The following KDR variants were observed in gnomAD, a reference collection of about 807,000 sequenced individuals.
KDR encodes the protein vascular endothelial growth factor receptor 2.
Under a neutral mutation model 160.9 loss-of-function variants are expected in KDR, and 43 were observed. The ratio of observed to expected loss-of-function variants is 0.27; its 90% CI spans 0.21 to 0.34. KDR has a LOEUF of 0.34. KDR is among the 10% of genes least tolerant of loss of function. KDR has a pLI of 1.00. For missense variants in KDR, 1,469 were observed against 1,666.4 expected, an observed-to-expected ratio of 0.88 and a Z score of 2.06; for synonymous variants, 617 against 600.1, an observed-to-expected ratio of 1.03 and a Z score of -0.41.
At chr4:55,102,783 C>T (rs73816208) in intron 13 of KDR, among the ~76,000 whole-genome samples, 2,645 of 152,204 alleles carry the variant, frequency 0.017, 81 homozygotes, top group African/African-American at 0.06. Flanking sequence ...TGGATTTTTC[C>T]TCTAATTAGA....
intron 3 of KDR, among the ~76,000 whole-genome samples, chr4:55,116,417 CAAAA>C (rs66997115): frequency 7.4e-5 from 7 of 94,736 alleles, no homozygotes; most frequent in East Asian, 2.5e-4. Context: ...AACTCCGTCT[CAAAA>C]AAAAAAAAAA....
chr4:55,117,158 G>A (rs1309746133), intron 3 of KDR, among the ~76,000 whole-genome samples: 3 of 151,844 alleles, frequency 2.0e-5, no homozygotes, highest in East Asian at 1.9e-4. Flanking sequence ...ATTCTATTTC[G>A]GTATCTCAAA....
intron 1 of KDR, among the ~76,000 whole-genome samples, chr4:55,122,485 C>T (rs550634233): frequency 3.9e-5 from 6 of 152,018 alleles, no homozygotes; most frequent in Admixed American, 1.3e-4. Flanking sequence ...AAGTATGAGA[C>T]GGAATAAATA....
At chr4:55,085,558 C>T (rs1325356873) in intron 27 of KDR, among the ~76,000 whole-genome samples, 1 of 152,202 alleles carries the variant, frequency 6.6e-6, no homozygotes, top group African/African-American at 2.4e-5. Flanking sequence ...CAGAATGAAG[C>T]ATGCCGTGTG....
chr4:55,102,343 A>T lies in KDR; in HGVS notation c.2134+19T>A. 1 of 1,612,614 alleles carries T rather than the reference A, an allele frequency of 6.2e-7. No homozygotes were observed. The highest frequency in any genetic ancestry group is 8.5e-7 in the Non-Finnish European group (1 of 1,178,728). ...GGGAAAGTTCTGCAACCCAAGAGTGATAGCCAAATTCTATTTACCTGAGTC... is the reference window on the plus strand; with the variant it reads ...GGGAAAGTTCTGCAACCCAAGAGTGTTAGCCAAATTCTATTTACCTGAGTC... On this transcript the variant is annotated intron_variant, in intron 14 of 29. Transcript: ENST00000263923.
chr4:55,102,295 A>G, intron 14 of KDR, 67 bp downstream of exon 14: 1 of 1,540,906 alleles, frequency 6.5e-7, no homozygotes, highest in Non-Finnish European at 9.0e-7. Context: ...AAGAAATAAT[A>G]TGGCTTTTTA....
chr4:55,104,102 G>A lies in KDR; in HGVS notation c.1987+541C>T, dbSNP rs149693709. Among the ~76,000 whole-genome samples the A allele has an allele frequency of 2.5e-3, 383 of 152,226 alleles. 4 individuals carry two copies. The highest frequency in any genetic ancestry group is 8.5e-3 in the African/African-American group (354 of 41,544). On this transcript the variant is annotated intron_variant, in intron 13 of 29. Transcript: ENST00000263923. Reference sequence around the variant, plus strand: ...CCATGGAGTCTTCTAGGTCTTAAACGCAGCCCATCATCCCACTCTTCATGC... The same window carrying A: ...CCATGGAGTCTTCTAGGTCTTAAACACAGCCCATCATCCCACTCTTCATGC...
At chr4:55,121,914 CCT>C in intron 1 of KDR, among the ~76,000 whole-genome samples, 1 of 133,652 alleles carries the variant, frequency 7.5e-6, no homozygotes, top group East Asian at 2.0e-4. Flanking sequence ...TTAGCATTAC[CCT>C]TTTTTTAAAA....
chr4:55,082,437 A>G lies in KDR; in HGVS notation c.3762+99T>C, dbSNP rs550836649. The G allele has an allele frequency of 3.3e-5, 30 of 911,286 alleles. No individual in the cohort carries two copies. In the African/African-American group the frequency reaches 3.5e-4, roughly 11 times the overall value. 56.5% of individuals were successfully genotyped at this position (911,286 alleles called of 1,614,324 possible). On this transcript the variant is annotated intron_variant, in intron 28 of 29. Coordinates refer to ENST00000263923, the MANE Select transcript of KDR (RefSeq NM_002253.4). Reference sequence around the variant, plus strand: ...TACACACACTCGAGGGCAGCCTTCTAATGAGGCTCCAAAACTTTAATGCTT... The same window carrying G: ...TACACACACTCGAGGGCAGCCTTCTGATGAGGCTCCAAAACTTTAATGCTT...
chr4:55,081,296 T>A (rs990905802), intron 29 of KDR, among the ~76,000 whole-genome samples: 2 of 152,090 alleles, frequency 1.3e-5, no homozygotes, highest in African/African-American at 4.8e-5. Context: ...ATTCTTACCT[T>A]TAGGTAAGAA....
At chr4:55,096,396 A>G in intron 18 of KDR, 54 bp from the exon 19 acceptor site, 2 of 1,313,372 alleles carry the variant, frequency 1.5e-6, no homozygotes, top group South Asian at 2.4e-5. Flanking sequence ...TCCTTCAATA[A>G]TTGGGGTCCC....
chr4:55,096,883 C>T (rs1053531052), intron 18 of KDR, among the ~76,000 whole-genome samples: 1 of 152,212 alleles, frequency 6.6e-6, no homozygotes, highest in African/African-American at 2.4e-5. Context: ...GACTGCTACA[C>T]TTCCCACTAA....
chr4:55,089,284 T>G (rs1719946145), intron 25 of KDR, 90 bp downstream of exon 25: 1 of 907,022 alleles, frequency 1.1e-6, no homozygotes, highest in African/African-American at 1.6e-5. Flanking sequence ...AACTGGGCAA[T>G]GAAGAAGGTC....
At chr4:55,087,558 T>A in intron 27 of KDR, 49 bp downstream of exon 27, 1 of 1,564,462 alleles carries the variant, frequency 6.4e-7, no homozygotes, top group Non-Finnish European at 8.8e-7. Context: ...CCTCCCGAGA[T>A]GGCCTTGAAG....
At chr4:55,103,413 T>C (rs572108011) in intron 13 of KDR, among the ~76,000 whole-genome samples, 4 of 152,188 alleles carry the variant, frequency 2.6e-5, no homozygotes, top group Non-Finnish European at 5.9e-5. Context: ...TTTCTAAGAA[T>C]AGGTTTTAGG....
intron 22 of KDR, 116 bp downstream of exon 22, chr4:55,092,501 C>T (rs191460698): frequency 9.0e-6 from 7 of 773,684 alleles, no homozygotes; most frequent in East Asian, 2.6e-5. Flanking sequence ...TTCTAAAAGA[C>T]GTAGAAGTGG....
At chr4:55,090,204 G>C in intron 22 of KDR, 126 bp from the exon 23 acceptor site, 1 of 1,082,122 alleles carries the variant, frequency 9.2e-7, no homozygotes, top group Non-Finnish European at 1.4e-6. Flanking sequence ...GACTGGGTTA[G>C]TATCTTTTAT....
At chr4:55,087,219 A>G (rs915840740) in intron 27 of KDR, among the ~76,000 whole-genome samples, 3 of 152,244 alleles carry the variant, frequency 2.0e-5, no homozygotes, top group Non-Finnish European at 4.4e-5. Context: ...ATGCAAGCAC[A>G]GAACTCTTCC....
At chr4:55,098,011 A>G in intron 17 of KDR, 126 bp downstream of exon 17, 3 of 1,299,174 alleles carry the variant, frequency 2.3e-6, no homozygotes, top group Non-Finnish European at 3.3e-6. Context: ...TACAAATTCA[A>G]GAAATGGAAT....
Sources: gnomAD v4.1 joint callset for allele counts (sites outside exome capture counted in the v4.1 genomes callset) on GRCh38, gnomAD v4.1.1 for gene constraint, MANE v1.5 for transcripts, NCBI Gene and HGNC (gene_info 2026-07-23, HGNC 2026-07-21) for gene names.